Variants in PKHD1 observed in about 807,000 individuals in gnomAD.
The protein encoded by PKHD1 is PKHD1 ciliary IPT domain containing fibrocystin/polyductin, also known as fibrocystin.
A neutral mutation model predicts 412.0 loss-of-function variants in PKHD1; 291 were observed. The observed-to-expected ratio is 0.71, with a 90% CI of 0.64 to 0.78. The LOEUF is 0.78. Ranked by LOEUF, PKHD1 falls within the 30% of genes least tolerant of loss-of-function variation. PKHD1 has a pLI of 0.00. For synonymous variants in PKHD1, 1,777 were observed against 1,821.5 expected, an observed-to-expected ratio of 0.98 and a Z score of 0.62; for missense variants, 4,825 against 4,950.7, an observed-to-expected ratio of 0.97 and a Z score of 0.76.
chr6:51,869,404 G>A (rs191593504), intron 47 of PKHD1, among the ~76,000 whole-genome samples: 331 of 152,052 alleles, frequency 2.2e-3, no homozygotes, highest in African/African-American at 7.5e-3. Context: ...CTATTACTGC[G>A]TTCATCATGC....
At chr6:52,082,079 T>C (rs1812113498) in intron 4 of PKHD1, among the ~76,000 whole-genome samples, 1 of 152,152 alleles carries the variant, frequency 6.6e-6, no homozygotes, top group African/African-American at 2.4e-5. Context: ...GATGAGTATT[T>C]GCAATGGCAA....
At chr6:52,070,297 T>A in intron 10 of PKHD1, 109 bp downstream of exon 10, 1 of 786,082 alleles carries the variant, frequency 1.3e-6, no homozygotes, top group Non-Finnish European at 2.3e-6. Flanking sequence ...TCTGTTTTTA[T>A]ATGTTTAACA....
intron 53 of PKHD1, among the ~76,000 whole-genome samples, chr6:51,788,983 T>G (rs576939294): frequency 3.1e-4 from 47 of 152,296 alleles, no homozygotes; most frequent in Middle Eastern, 3.4e-3. Context: ...CAAGGTGGAT[T>G]TGGACCCCCA....
chr6:51,849,815 T>C (rs892108909), intron 49 of PKHD1, among the ~76,000 whole-genome samples: 1 of 152,356 alleles, frequency 6.6e-6, no homozygotes, highest in African/African-American at 2.4e-5. Context: ...ATGGGTAGAT[T>C]GCAGAAATAT....
intron 12 of PKHD1, 45 bp downstream of exon 12, chr6:52,065,931 G>T (rs764439786): frequency 2.2e-6 from 2 of 921,496 alleles, no homozygotes; most frequent in Non-Finnish European, 3.6e-6. Flanking sequence ...ATCTCCTAGA[G>T]CATCTAAAAC....
rs192814645 is a variant in PKHD1 at position 52,016,059 on chromosome 6, T to C, written c.5600+1351A>G. ...TCAATGGAGCCAGGACCTACTGACA[T>C]GTACTTCCTGGTGTCCAGCATCAGT... On this transcript the variant is annotated intron_variant, in intron 34 of 66. Transcript: ENST00000371117. 1.4e-3 allele frequency among the ~76,000 whole-genome samples: 210 copies of C among 152,272 alleles called. 4 individuals carry two copies. The South Asian group carries it at 0.037, about 27-fold the overall frequency.
intron 13 of PKHD1, 94 bp from the exon 14 acceptor site, chr6:52,062,754 A>C: frequency 6.8e-7 from 1 of 1,479,078 alleles, no homozygotes; most frequent in Non-Finnish European, 9.4e-7. Context: ...AAGATGACCC[A>C]GATGCTACCT....
intron 56 of PKHD1, among the ~76,000 whole-genome samples, chr6:51,754,300 G>T (rs1786599189): frequency 6.6e-6 from 1 of 151,978 alleles, no homozygotes; most frequent in Admixed American, 6.6e-5. Context: ...TGCAGTAATA[G>T]TAATAGTAGT....
intron 60 of PKHD1, among the ~76,000 whole-genome samples, chr6:51,700,136 A>G (rs1345941499): frequency 6.6e-6 from 1 of 152,088 alleles, no homozygotes; most frequent in Non-Finnish European, 1.5e-5. Context: ...TAACAATGAA[A>G]TTACCAAGTG....
Position 52,045,071 on chromosome 6 carries a change from A to G in PKHD1, c.2610T>C (p.Leu870=), listed in dbSNP as rs368451393. The G allele has an allele frequency of 1.1e-5, 18 of 1,613,374 alleles. No homozygotes were observed. Among genetic ancestry groups the G allele is most frequent in the Non-Finnish European group, 1.3e-5 (15 of 1,179,468 alleles). ...TGGCTGCAGCAGGATTCACTCCAGTAAGGTTTTCATCAGAGACCTGAGATG... is the reference window on the plus strand; with the variant it reads ...TGGCTGCAGCAGGATTCACTCCAGTGAGGTTTTCATCAGAGACCTGAGATG... ...PNFIRVSDEN[L]TGVNPAAATR... is the part of the protein sequence containing the mutation. The change falls in exon 25 of 67, where the codon CTT becomes CTC. Residue 870 remains leucine (L), a synonymous_variant. Coordinates refer to ENST00000371117, the MANE Select transcript of PKHD1 (RefSeq NM_138694.4).
Position 52,062,580 on chromosome 6 carries a change from G to T in PKHD1, c.1057C>A (p.Gln353Lys). ...GGAGAACTGGCATTAGGGACAATCT[G>T]CCACCTGTACCCTGGGGTGGCTTCA... ...LTEATPGYRW[Q>K]IVPNASSPFG... Residue 353 changes from glutamine (Q) to lysine (K), a missense_variant, in exon 14 of 67, where the codon CAG becomes AAG. Coordinates refer to ENST00000371117, the MANE Select transcript of PKHD1 (RefSeq NM_138694.4). 6.2e-7 allele frequency: 1 copy of T among 1,613,990 alleles called. No homozygotes were observed. Among genetic ancestry groups the T allele is most frequent in the East Asian group, 2.2e-5 (1 of 44,898 alleles).
At chr6:52,036,534 C>A (rs983761511) in intron 27 of PKHD1, among the ~76,000 whole-genome samples, 1 of 152,196 alleles carries the variant, frequency 6.6e-6, no homozygotes, top group Non-Finnish European at 1.5e-5. Flanking sequence ...AGCCTTACCC[C>A]CCCTTGAGGG....
chr6:51,772,085 G>A (rs922790374), intron 55 of PKHD1, among the ~76,000 whole-genome samples: 1 of 151,938 alleles, frequency 6.6e-6, no homozygotes, highest in Admixed American at 6.6e-5. Flanking sequence ...TTCTGTTGTA[G>A]TTATTCTGAG....
chr6:51,964,742 C>A (rs879562505), intron 35 of PKHD1, among the ~76,000 whole-genome samples: 1 of 152,014 alleles, frequency 6.6e-6, no homozygotes, highest in Non-Finnish European at 1.5e-5. Context: ...TTGTTCAGTT[C>A]TTCTTTACAT....
chr6:52,053,002 A>T (rs1807107014), intron 21 of PKHD1, 74 bp downstream of exon 21: 21 of 1,419,832 alleles, frequency 1.5e-5, no homozygotes, highest in Non-Finnish European at 1.8e-5. Flanking sequence ...ATTAAAAAAA[A>T]CAGTAACCCC....
In PKHD1 at chr6:51,888,627, T is replaced by G. The variant is rs561185024; in HGVS notation, c.6997-1382A>C. Among the ~76,000 whole-genome samples, 6 of 151,946 alleles carry G rather than the reference T, an allele frequency of 3.9e-5. No individual in the cohort carries two copies. In the East Asian group the frequency reaches 1.2e-3, roughly 30 times the overall value. ...GCCTTCCTTCTTGGACTGTGGATGA[T>G]TTTTCCACAGTCCTCACCCTTCCTG... On this transcript the variant is annotated intron_variant, in intron 43 of 66. Transcript: ENST00000371117.
At chr6:51,694,041 C>G (rs1035481061) in intron 60 of PKHD1, among the ~76,000 whole-genome samples, 4 of 152,120 alleles carry the variant, frequency 2.6e-5, no homozygotes, top group Non-Finnish European at 5.9e-5. Context: ...GCATTGAGTG[C>G]TGAGTCCTAG....
chr6:51,884,935 G>A (rs1416657600), intron 45 of PKHD1, among the ~76,000 whole-genome samples: 2 of 152,072 alleles, frequency 1.3e-5, no homozygotes, highest in Admixed American at 6.6e-5. Flanking sequence ...AATACATTTC[G>A]GACTCCACCT....
At chr6:51,662,797 CA>C (rs539864827) in intron 60 of PKHD1, among the ~76,000 whole-genome samples, 278 of 151,954 alleles carry the variant, frequency 1.8e-3, no homozygotes, top group Non-Finnish European at 3.5e-3. Flanking sequence ...AAACATTTGC[CA>C]ACACATTCAA....
Sources: allele counts gnomAD v4.1 joint callset (sites outside exome capture counted in the v4.1 genomes callset), GRCh38; gene constraint gnomAD v4.1.1; transcripts MANE v1.5; gene names NCBI Gene and HGNC (gene_info 2026-07-23, HGNC 2026-07-21).